The following KIFAP3 variants were observed in gnomAD, a reference collection of about 807,000 sequenced individuals.
The protein encoded by KIFAP3 is kinesin associated protein 3.
Under a neutral mutation model 106.5 loss-of-function variants are expected in KIFAP3, and 68 were observed. The ratio of observed to expected loss-of-function variants is 0.64; its 90% confidence interval spans 0.53 to 0.78. KIFAP3 has a LOEUF of 0.78. KIFAP3 is among the 30% of genes least tolerant of loss of function. The pLI is 0.00. For missense variants in KIFAP3, 780 were observed against 941.8 expected, an observed-to-expected ratio of 0.83 and a Z score of 2.25; for synonymous variants, 320 against 311.5, an observed-to-expected ratio of 1.03 and a Z score of -0.29.
chr1:170,063,155 AC>A (rs1447411582), intron 1 of KIFAP3, among the ~76,000 whole-genome samples: 1 of 152,182 alleles, frequency 6.6e-6, no homozygotes, highest in East Asian at 1.9e-4. Flanking sequence ...ATGCAGTTAA[AC>A]GATAACCAGC....
At chr1:169,962,512 T>C (rs1665393383) in intron 17 of KIFAP3, among the ~76,000 whole-genome samples, 3 of 152,302 alleles carry the variant, frequency 2.0e-5, no homozygotes, top group Non-Finnish European at 2.9e-5. Flanking sequence ...TCCTCTGTCA[T>C]ATCTTTAAAC....
At chr1:169,936,388 G>C (rs1403726091) in intron 19 of KIFAP3, among the ~76,000 whole-genome samples, 1 of 151,760 alleles carries the variant, frequency 6.6e-6, no homozygotes, top group Non-Finnish European at 1.5e-5. Context: ...TGTTTCTAAA[G>C]AGGCAATATC....
chr1:170,060,961 T>C (rs900629101), intron 1 of KIFAP3, among the ~76,000 whole-genome samples: 1 of 152,190 alleles, frequency 6.6e-6, no homozygotes, highest in African/African-American at 2.4e-5. Flanking sequence ...TAGCCATATG[T>C]AGAAAGCTGA....
At chr1:169,978,686 C>T (rs1666355971) in intron 15 of KIFAP3, among the ~76,000 whole-genome samples, 1 of 151,928 alleles carries the variant, frequency 6.6e-6, no homozygotes. Flanking sequence ...CAGCTGATGT[C>T]CACTGATTAA....
intron 10 of KIFAP3, among the ~76,000 whole-genome samples, chr1:170,007,967 C>T (rs1668055794): frequency 1.3e-5 from 2 of 152,098 alleles, no homozygotes; most frequent in Admixed American, 1.3e-4. Flanking sequence ...TAATGCCAAA[C>T]ATCTACAACC....
chr1:170,044,370 C>A (rs1403176173), intron 3 of KIFAP3, among the ~76,000 whole-genome samples: 1 of 152,126 alleles, frequency 6.6e-6, no homozygotes, highest in Non-Finnish European at 1.5e-5. Flanking sequence ...AGAATAGAAG[C>A]TGGAGTGCTG....
chr1:169,984,604 T>C lies in KIFAP3; in HGVS notation c.1371A>G (p.Arg457=). 5 of 1,603,644 alleles carry C rather than the reference T, an allele frequency of 3.1e-6. No individual in the cohort carries two copies. Among genetic ancestry groups the C allele is most frequent in the Non-Finnish European group, 3.4e-6 (4 of 1,172,170 alleles). The part of the protein sequence containing the change: ...SFCINLAANK[R]NVQLICEGNG... Reference sequence around the variant, plus strand: ...GACCTTCACAGATAAGCTGTACATTTCTTTTGTTAGCAGCAAGATTAATGC... The same window carrying C: ...GACCTTCACAGATAAGCTGTACATTCCTTTTGTTAGCAGCAAGATTAATGC... Residue 457 remains arginine, a synonymous_variant, in exon 12 of 20, where the codon AGA becomes AGG. Transcript: ENST00000361580.
Position 169,978,171 on chromosome 1 carries a change from T to C in KIFAP3, c.1811A>G (p.Asp604Gly), listed in dbSNP as rs1414296204. ...LIELLNAQQE[D>G]DEFVCQIIYV... ...AATTATCTGACACACAAATTCATCA[T>C]CTTCTTGTTGAGCTGTAAATAAACA... The change falls in exon 16 of 20, where the codon GAT (aspartate) becomes GGT (glycine). Residue 604 changes from aspartate to glycine, a missense_variant. Around this residue, in one of 3 missense-constraint regions of KIFAP3, gnomAD observed 78 missense variants for 140.6 expected, o/e 0.55. Coordinates refer to ENST00000361580, the MANE Select transcript of KIFAP3 (RefSeq NM_014970.4). 6.2e-7 allele frequency: 1 copy of C among 1,610,058 alleles called. No homozygotes were observed. Among genetic ancestry groups the C allele is most frequent in the Non-Finnish European group, 8.5e-7 (1 of 1,176,968 alleles).
At chr1:169,951,499 G>T (rs1006298282) in intron 19 of KIFAP3, among the ~76,000 whole-genome samples, 1 of 151,642 alleles carries the variant, frequency 6.6e-6, no homozygotes, top group Non-Finnish European at 1.5e-5. Flanking sequence ...AAGGTACAAA[G>T]GTAAAAGGAT....
intron 17 of KIFAP3, among the ~76,000 whole-genome samples, chr1:169,964,703 C>T (rs1665514850): frequency 6.6e-6 from 1 of 152,150 alleles, no homozygotes; most frequent in South Asian, 2.1e-4. Flanking sequence ...TGTTTACAAG[C>T]AGTTTTGTGG....
intron 2 of KIFAP3, among the ~76,000 whole-genome samples, chr1:170,051,815 T>C (rs1400853898): frequency 6.6e-6 from 1 of 152,158 alleles, no homozygotes; most frequent in African/African-American, 2.4e-5. Flanking sequence ...AGAGACAACA[T>C]ACCAGAATCT....
chr1:169,921,671 C>T lies in KIFAP3; in HGVS notation c.*5G>A, dbSNP rs771132189. On this transcript the variant is annotated 3_prime_UTR_variant, in exon 20 of 20. Coordinates refer to ENST00000361580, the MANE Select transcript of KIFAP3 (RefSeq NM_014970.4). ...CTGAGATTACACATGGAAACAGATA[C>T]TTTATCAAGATCCATAGCCATAGTA... is the stretch of plus-strand genomic sequence containing the variant. 1.0e-5 allele frequency: 16 copies of T among 1,604,908 alleles called. No homozygotes were observed. Among genetic ancestry groups the T allele is most frequent in the Non-Finnish European group, 1.4e-5 (16 of 1,171,984 alleles).
At chr1:170,041,644 T>C in intron 3 of KIFAP3, 1 of 1,511,518 alleles carries the variant, frequency 6.6e-7, no homozygotes, top group South Asian at 1.2e-5. Context: ...GGGCTGTCTC[T>C]GGTGCCTCCC....
intron 19 of KIFAP3, among the ~76,000 whole-genome samples, chr1:169,924,807 T>C (rs891741883): frequency 1.9e-4 from 29 of 152,202 alleles, no homozygotes; most frequent in Admixed American, 1.2e-3. Flanking sequence ...AGCAGATAGA[T>C]TCTTCATGTA....
intron 10 of KIFAP3, among the ~76,000 whole-genome samples, chr1:169,995,797 T>C (rs1013643112): frequency 2.0e-5 from 3 of 151,960 alleles, no homozygotes; most frequent in African/African-American, 7.2e-5. Flanking sequence ...ACATAGGTAC[T>C]ACATTAAAAG....
At chr1:170,048,681 T>C (rs1670404345) in intron 2 of KIFAP3, among the ~76,000 whole-genome samples, 1 of 151,044 alleles carries the variant, frequency 6.6e-6, no homozygotes, top group Non-Finnish European at 1.5e-5. Flanking sequence ...GTACAACCCA[T>C]GGAGAGCAAG....
intron 1 of KIFAP3, 95 bp downstream of exon 1, chr1:170,074,341 A>AAACTAGCG (rs3841721): frequency 0.1 from 141,050 of 1,408,436 alleles, 8,604 homozygotes; most frequent in Admixed American, 0.22. Context: ...CCCGTCTGCT[A>AAACTAGCG]AACTAGCGTT....
chr1:169,935,421 T>A (rs1243565457), intron 19 of KIFAP3, among the ~76,000 whole-genome samples: 3 of 151,962 alleles, frequency 2.0e-5, no homozygotes, highest in African/African-American at 7.2e-5. Context: ...GACAGCCCAG[T>A]AGGAAGGTGC....
intron 1 of KIFAP3, among the ~76,000 whole-genome samples, chr1:170,070,115 C>G (rs1461275448): frequency 6.6e-6 from 1 of 151,950 alleles, no homozygotes; most frequent in African/African-American, 2.4e-5. Flanking sequence ...AACCAAGGAA[C>G]AACTGTATAC....
Sources: gnomAD v4.1 joint callset for allele counts (sites outside exome capture counted in the v4.1 genomes callset) on GRCh38, gnomAD v4.1.1 for gene constraint, gnomAD v4.1.1 regional missense constraint, MANE v1.5 for transcripts, NCBI Gene and HGNC (gene_info 2026-07-23, HGNC 2026-07-21) for gene names.